Variants in TAF4B observed in about 807,000 individuals in gnomAD.
The protein encoded by TAF4B is TATA-box binding protein associated factor 4b.
A neutral mutation model predicts 86.4 loss-of-function variants in TAF4B; 38 were observed. That is an observed-to-expected ratio of 0.44 (90% CI 0.34 to 0.58). The LOEUF (loss-of-function observed/expected upper bound fraction) is 0.58, where lower values mean the gene tolerates loss of function less well. TAF4B is among the 20% of genes least tolerant of loss of function. The pLI is 0.02. For synonymous variants in TAF4B, 388 were observed against 391.2 expected (o/e 0.99, Z 0.10); for missense variants, 988 against 1,027.6 (o/e 0.96, Z 0.53).
intron 1 of TAF4B, among the ~76,000 whole-genome samples, chr18:26,234,161 T>C (rs1191604565): frequency 3.3e-5 from 5 of 152,220 alleles, no homozygotes; most frequent in African/African-American, 1.2e-4. Flanking sequence ...GGGGTTAATC[T>C]CTTGGAGAGG....
intron 14 of TAF4B, among the ~76,000 whole-genome samples, chr18:26,383,746 C>T (rs1323734306): frequency 4.6e-5 from 7 of 152,072 alleles, no homozygotes. Context: ...GAAACATAGA[C>T]ATTTAGGAGT....
intron 1 of TAF4B, among the ~76,000 whole-genome samples, chr18:26,232,032 C>T (rs866331862): frequency 1.5e-4 from 23 of 152,010 alleles, no homozygotes; most frequent in African/African-American, 2.9e-4. Context: ...TTTTATAGAG[C>T]GCTGATTGGT....
At chr18:26,339,292 A>T (rs1246690026) in intron 13 of TAF4B, among the ~76,000 whole-genome samples, 1 of 152,146 alleles carries the variant, frequency 6.6e-6, no homozygotes, top group East Asian at 1.9e-4. Flanking sequence ...CTTTCATTTT[A>T]CCATCTCTTT....
chr18:26,318,758 T>G (rs1271781408), intron 10 of TAF4B, among the ~76,000 whole-genome samples: 2 of 152,268 alleles, frequency 1.3e-5, no homozygotes, highest in Admixed American at 6.5e-5. Context: ...ACCAATTTAG[T>G]GAAGACATTA....
Position 26,285,875 on chromosome 18 carries a change from T to C in TAF4B, c.973-7T>C. 3 of 1,597,492 alleles carry C rather than the reference T, an allele frequency of 1.9e-6. No individual in the cohort carries two copies. The highest frequency in any genetic ancestry group is 2.6e-6 in the Non-Finnish European group (3 of 1,170,806). On this transcript the variant is annotated splice_polypyrimidine_tract_variant and splice_region_variant and intron_variant, in intron 6 of 14. Transcript: ENST00000269142. ...CAGTGTTTTTTTCCATTCCTCTGCA[T>C]TTCCAGAAAAGCGTGGTTGCCTTAC...
In TAF4B at chr18:26,335,241, T is replaced by C. The variant is rs1198906245; in HGVS notation, c.2316+10T>C. 1.2e-6 allele frequency: 2 copies of C among 1,612,090 alleles called. No individual in the cohort carries two copies. The highest frequency in any genetic ancestry group is 3.3e-5 in the Admixed American group (2 of 59,964). ...GCAGAAAGCCAAAGAGGTAGGACTT[T>C]CAAGTTACCATGCTTGTCTTTGTGT... On this transcript the variant is annotated intron_variant, in intron 13 of 14. Coordinates refer to ENST00000269142, the MANE Select transcript of TAF4B (RefSeq NM_005640.3).
intron 10 of TAF4B, 90 bp from the exon 11 acceptor site, chr18:26,320,980 C>T: frequency 6.6e-7 from 1 of 1,512,512 alleles, no homozygotes; most frequent in South Asian, 1.2e-5. Flanking sequence ...ATGGGTATGA[C>T]TTCCAGGGGG....
chr18:26,231,034 C>CTTTTTTTTTTTTTTTTTTTTTTTTTTT (rs536863843), intron 1 of TAF4B, among the ~76,000 whole-genome samples: 3 of 66,164 alleles, frequency 4.5e-5, no homozygotes, highest in Non-Finnish European at 8.4e-5. Flanking sequence ...TGTTGTTTTG[C>CTTTTTTTTTTTTTTTTTTTTTTTTTTT]TTTTTTTTTT....
At chr18:26,249,595 A>G (rs1392353917) in intron 1 of TAF4B, among the ~76,000 whole-genome samples, 3 of 152,224 alleles carry the variant, frequency 2.0e-5, no homozygotes, top group Non-Finnish European at 4.4e-5. Context: ...TCTCTTTGGA[A>G]ATAAAAATGT....
intron 12 of TAF4B, among the ~76,000 whole-genome samples, chr18:26,333,378 G>A (rs1393060990): frequency 2.7e-5 from 4 of 150,124 alleles, no homozygotes; most frequent in South Asian, 2.1e-4. Context: ...ATGCCACCAT[G>A]CCCAAATTAA....
chr18:26,230,961 A>T (rs1264744177), intron 1 of TAF4B, among the ~76,000 whole-genome samples: 1 of 148,232 alleles, frequency 6.7e-6, no homozygotes, highest in East Asian at 2.0e-4. Context: ...AAAGCAGTAT[A>T]TGTTCATGTG....
intron 13 of TAF4B, among the ~76,000 whole-genome samples, chr18:26,351,589 C>T (rs1445199207): frequency 6.6e-6 from 1 of 152,066 alleles, no homozygotes; most frequent in Non-Finnish European, 1.5e-5. Context: ...GTATGTATTG[C>T]AACATCACTA....
rs772871310 is a variant in TAF4B at position 26,227,079 on chromosome 18, C to T, written c.146C>T (p.Pro49Leu). ...GCCCTGGGCGCCGTGACTAAGGCTCCTGTCAGCGTCTGCGTGGAGCCCACG... is the reference window on the plus strand; with the variant it reads ...GCCCTGGGCGCCGTGACTAAGGCTCTTGTCAGCGTCTGCGTGGAGCCCACG... The part of the protein sequence containing the change: ...PVALGAVTKA[P>L]VSVCVEPTAS... The change falls in exon 1 of 15, where the codon CCT becomes CTT. Residue 49 changes from proline to leucine, a missense_variant. Coordinates refer to ENST00000269142, the MANE Select transcript of TAF4B (RefSeq NM_005640.3). 5 of 1,606,566 alleles carry T rather than the reference C, an allele frequency of 3.1e-6. No homozygotes were observed. In the East Asian group the frequency reaches 9.0e-5, roughly 29 times the overall value.
chr18:26,232,974 G>A (rs982863756), intron 1 of TAF4B, among the ~76,000 whole-genome samples: 1 of 152,100 alleles, frequency 6.6e-6, no homozygotes, highest in Non-Finnish European at 1.5e-5. Context: ...GCTTTGAGGG[G>A]CACTGATAGG....
chr18:26,281,808 T>C (rs62085375), intron 5 of TAF4B, among the ~76,000 whole-genome samples, 163 bp from the exon 6 acceptor site: 17,180 of 152,238 alleles, frequency 0.11, 991 homozygotes, highest in Middle Eastern at 0.14. Context: ...TCTCTATCAT[T>C]TATGCTTACA....
intron 1 of TAF4B, among the ~76,000 whole-genome samples, chr18:26,251,552 A>G (rs573442403): frequency 1.3e-5 from 2 of 152,310 alleles, no homozygotes; most frequent in Non-Finnish European, 2.9e-5. Flanking sequence ...ACACTGGACC[A>G]CGATACACTT....
At chr18:26,311,093 G>A (rs1327972098) in intron 9 of TAF4B, among the ~76,000 whole-genome samples, 2 of 152,024 alleles carry the variant, frequency 1.3e-5, no homozygotes, top group East Asian at 3.9e-4. Flanking sequence ...TAGGAAAAAA[G>A]CTGCAGTGAT....
chr18:26,278,358 G>A (rs181905773), intron 5 of TAF4B, among the ~76,000 whole-genome samples: 1 of 152,052 alleles, frequency 6.6e-6, no homozygotes, highest in Admixed American at 6.5e-5. Flanking sequence ...AGGCTGGAGT[G>A]CAGTGACATG....
intron 1 of TAF4B, chr18:26,255,651 AT>A: frequency 8.7e-7 from 1 of 1,154,624 alleles, no homozygotes; most frequent in Non-Finnish European, 1.2e-6. Flanking sequence ...GGTCTTCAAA[AT>A]TTAGATGGTT....
Sources: allele counts gnomAD v4.1 joint callset (sites outside exome capture counted in the v4.1 genomes callset), GRCh38; gene constraint gnomAD v4.1.1; transcripts MANE v1.5; gene names NCBI Gene and HGNC (gene_info 2026-07-23, HGNC 2026-07-21).